Variants in KIF2C observed in about 807,000 individuals in gnomAD.
KIF2C encodes kinesin-like protein KIF2C.
Under a neutral mutation model 97.4 loss-of-function variants are expected in KIF2C, and 34 were observed. The ratio of observed to expected loss-of-function variants is 0.35; its 90% CI spans 0.27 to 0.46. The LOEUF (loss-of-function observed/expected upper bound fraction) is 0.46. Among genes scored for constraint, KIF2C ranks in the 20% least tolerant of loss-of-function variants. The probability of loss-of-function intolerance (pLI) is 1.00; values close to 1 mark genes in which losing one functional copy is unlikely to be tolerated. For missense variants in KIF2C, 750 were observed against 907.6 expected (o/e 0.83, Z 2.23); for synonymous variants, 313 against 318.2 (o/e 0.98, Z 0.17).
Position 44,762,720 on chromosome 1 carries a change from A to T in KIF2C, c.1971+62A>T, listed in dbSNP as rs1033222318. On this transcript the variant is annotated intron_variant, in intron 19 of 20. Transcript: ENST00000372224. ...CACGGCCCTCAGTATGCTCCACACC[A>T]TTCCCAGAACATGACCTGGGCCTTG... The T allele has an allele frequency of 7.4e-6, 8 of 1,080,506 alleles. No individual in the cohort carries two copies. The African/African-American group carries it at 1.1e-4, about 15-fold the overall frequency. The allele number at this position is 1,080,506 out of a possible 1,614,324, so 66.9% of individuals were successfully genotyped here.
Position 44,759,315 on chromosome 1 carries a change from T to C in KIF2C, c.1334T>C (p.Val445Ala), listed in dbSNP as rs950669189. 1 of 1,614,164 alleles carries C rather than the reference T, an allele frequency of 6.2e-7. No homozygotes were observed. Among genetic ancestry groups the C allele is most frequent in the Non-Finnish European group, 8.5e-7 (1 of 1,180,028 alleles). ...CATCTGGTTAACTCTGCTGATGATGTCATCAAGATGATCGACATGGGCAGC... is the reference window on the plus strand; with the variant it reads ...CATCTGGTTAACTCTGCTGATGATGCCATCAAGATGATCGACATGGGCAGC... ...QEHLVNSADDVIKMIDMGSAC... is the reference protein window; with the variant it reads ...QEHLVNSADDAIKMIDMGSAC... The change falls in exon 14 of 21, where the codon GTC (valine) becomes GCC (alanine). Residue 445 changes from valine to alanine, a missense_variant. Coordinates refer to ENST00000372224, the MANE Select transcript of KIF2C (RefSeq NM_006845.4).
intron 2 of KIF2C, chr1:44,746,851 C>T (rs1649222107): frequency 3.2e-6 from 4 of 1,234,684 alleles, no homozygotes; most frequent in Non-Finnish European, 4.5e-6. Context: ...AGGGGTACCC[C>T]TGTCTATAGA....
chr1:44,759,910 T>C (rs1270959307), intron 14 of KIF2C, among the ~76,000 whole-genome samples: 1 of 152,160 alleles, frequency 6.6e-6, no homozygotes, highest in African/African-American at 2.4e-5. Context: ...TACGCAGCTA[T>C]AGAGGCCCAG....
In KIF2C at chr1:44,767,168, C is replaced by T. The variant is rs749667264; in HGVS notation, c.2167C>T (p.Arg723Trp). 2.7e-5 allele frequency: 43 copies of T among 1,614,034 alleles called. 1 individual carries two copies. Among genetic ancestry groups the T allele is most frequent in the South Asian group, 1.8e-4 (16 of 91,074 alleles). Reference protein sequence around the residue: ...QASRQISSKKRPQ With the variant: ...QASRQISSKKWPQ ...TAGCAGACAAATAAGCAGCAAGAAACGGCCCCAGTGACGACTGCAAATAAA... is the reference window on the plus strand; with the variant it reads ...TAGCAGACAAATAAGCAGCAAGAAATGGCCCCAGTGACGACTGCAAATAAA... The change falls in exon 21 of 21, where the codon CGG becomes TGG. Residue 723 changes from arginine (R) to tryptophan (W), a missense_variant. Arg to Trp is a moderately radical substitution (Grantham distance 101). Transcript: ENST00000372224.
At chr1:44,754,708 T>C (rs551986233) in intron 7 of KIF2C, 42 bp from the exon 8 acceptor site, 32 of 1,179,624 alleles carry the variant, frequency 2.7e-5, no homozygotes, top group Middle Eastern at 1.9e-4. Context: ...AGAGCACTTA[T>C]ATCTTAACAG....
rs569948139 is a variant in KIF2C, at chr1:44,739,913, C to A, written c.-20C>A. ...AGGTTTCTTGGTATTGCGCGTTTCTCTTCCTTGCTGACTCTCCGAATGGCC... is the reference window on the plus strand; with the variant it reads ...AGGTTTCTTGGTATTGCGCGTTTCTATTCCTTGCTGACTCTCCGAATGGCC... On this transcript the variant is annotated 5_prime_UTR_variant, in exon 1 of 21. Transcript: ENST00000372224. 6.2e-7 allele frequency: 1 copy of A among 1,612,114 alleles called. No homozygotes were observed. Among genetic ancestry groups the A allele is most frequent in the African/African-American group, 1.3e-5 (1 of 75,038 alleles).
rs1258982885 is a variant in KIF2C, at chr1:44,741,087, G to T, written c.165+80G>T. Reference sequence around the variant, plus strand: ...CTGTGCAGAAGTGGAATCTGTGAGAGCCTAGTTTCTGATGCTGTGCTCTTC... The same window carrying T: ...CTGTGCAGAAGTGGAATCTGTGAGATCCTAGTTTCTGATGCTGTGCTCTTC... On this transcript the variant is annotated intron_variant, in intron 2 of 20. Transcript: ENST00000372224. 8.0e-6 allele frequency: 9 copies of T among 1,118,966 alleles called. No individual in the cohort carries two copies. In the East Asian group the frequency reaches 2.3e-4, roughly 29 times the overall value. 69.3% of individuals were successfully genotyped at this position (1,118,966 alleles called of 1,614,324 possible). A position where few individuals can be genotyped will look rare whatever the true frequency, so the allele number is the denominator to read the frequency against.
At chr1:44,747,961 G>T (rs1458903988) in intron 4 of KIF2C, among the ~76,000 whole-genome samples, 1 of 152,256 alleles carries the variant, frequency 6.6e-6, no homozygotes, top group African/African-American at 2.4e-5. Flanking sequence ...ATGCTGAGGA[G>T]AGTAGGAATC....
intron 14 of KIF2C, among the ~76,000 whole-genome samples, chr1:44,759,628 C>T (rs1451411457): frequency 3.3e-5 from 5 of 152,118 alleles, no homozygotes; most frequent in African/African-American, 1.2e-4. Flanking sequence ...TTAGAGGTTG[C>T]AGTGAGCTGT....
chr1:44,762,276 G>C (rs1018342756), intron 17 of KIF2C, 70 bp from the exon 18 acceptor site: 1 of 1,371,608 alleles, frequency 7.3e-7, no homozygotes. Context: ...TCGAAGCCTG[G>C]GCGGTGCCAC....
At chr1:44,740,157 T>A in intron 1 of KIF2C, 155 bp downstream of exon 1, 6 of 889,964 alleles carry the variant, frequency 6.7e-6, no homozygotes, top group South Asian at 2.8e-5. Context: ...CTGGCAGTCA[T>A]TCTTGCCTAC....
chr1:44,762,764 T>G (rs988445396), intron 19 of KIF2C, 106 bp downstream of exon 19: 26 of 724,084 alleles, frequency 3.6e-5, no homozygotes, highest in Admixed American at 1.5e-4. Flanking sequence ...GGTATTCACA[T>G]AGCAAGAAGC....
intron 14 of KIF2C, among the ~76,000 whole-genome samples, chr1:44,759,926 G>A (rs560968788): frequency 5.3e-4 from 81 of 152,282 alleles, no homozygotes; most frequent in Non-Finnish European, 1.0e-3. Flanking sequence ...CCCAGGGAGG[G>A]GGCTGCCCTC....
rs34685023 is a variant in KIF2C, at chr1:44,753,958, C to CTTTTT, written c.663+148_663+152dup. ...GGCTCCAGTTCTTGAGGCCCCAATTCTTTTTTTTTTTTTTTTTTTTTTTTT... is the reference window on the plus strand; with the variant it reads ...GGCTCCAGTTCTTGAGGCCCCAATTCTTTTTTTTTTTTTTTTTTTTTTTTTTTTTT... On this transcript the variant is annotated intron_variant, in intron 7 of 20. Coordinates refer to ENST00000372224, the MANE Select transcript of KIF2C (RefSeq NM_006845.4). 71 of 67,912 alleles carry CTTTTT rather than the reference C, an allele frequency of 1.0e-3. 14 individuals carry two copies. The highest frequency in any genetic ancestry group is 5.3e-3 in the African/African-American group (57 of 10,816). 4.2% of individuals were successfully genotyped at this position (67,912 alleles called of 1,614,324 possible).
intron 2 of KIF2C, among the ~76,000 whole-genome samples, chr1:44,744,455 T>G (rs1157517474): frequency 1.3e-5 from 2 of 152,208 alleles, no homozygotes; most frequent in Admixed American, 1.3e-4. Flanking sequence ...CATACTCTTC[T>G]TCCACATATC....
At chr1:44,758,600 C>A (rs747873399) in intron 13 of KIF2C, among the ~76,000 whole-genome samples, 3 of 152,112 alleles carry the variant, frequency 2.0e-5, no homozygotes, top group African/African-American at 7.2e-5. Flanking sequence ...AGGGGCCAGG[C>A]GTGATGGCTC....
intron 4 of KIF2C, among the ~76,000 whole-genome samples, chr1:44,750,121 A>G (rs1199193589): frequency 1.3e-5 from 2 of 151,396 alleles, no homozygotes; most frequent in East Asian, 3.9e-4. Flanking sequence ...CTTTTTCTCA[A>G]GGACTTAGAT....
Position 44,760,663 on chromosome 1 carries a change from G to A in KIF2C, c.1644G>A (p.Leu548=). 6.2e-7 allele frequency: 1 copy of A among 1,614,212 alleles called. No individual in the cohort carries two copies. The highest frequency in any genetic ancestry group is 2.2e-5 in the East Asian group (1 of 44,886). Residue 548 remains leucine, a synonymous_variant, in exon 16 of 21, where the codon CTG becomes CTA. Coordinates refer to ENST00000372224, the MANE Select transcript of KIF2C (RefSeq NM_006845.4). The surrounding 1 kb of genome is among the most constrained non-coding windows in gnomAD (Gnocchi z 4.2). Reference sequence around the variant, plus strand: ...GTGAGAGCAAGCTGACACAGGTGCTGAGGGACTCCTTCATTGGGGAGAACT... The same window carrying A: ...GTGAGAGCAAGCTGACACAGGTGCTAAGGGACTCCTTCATTGGGGAGAACT... ...PFRESKLTQV[L]RDSFIGENSR... is the part of the protein sequence containing the mutation.
intron 5 of KIF2C, among the ~76,000 whole-genome samples, chr1:44,751,551 C>G (rs1649516711): frequency 6.7e-6 from 1 of 149,600 alleles, no homozygotes; most frequent in South Asian, 2.1e-4. Context: ...TCTTGTTGCC[C>G]AGGCTGGAGG....
Sources: allele counts gnomAD v4.1 joint callset (sites outside exome capture counted in the v4.1 genomes callset), GRCh38; gene constraint gnomAD v4.1.1; non-coding constraint Gnocchi (gnomAD v3.1); transcripts MANE v1.5; gene names NCBI Gene and HGNC (gene_info 2026-07-23, HGNC 2026-07-21).